Variants in PTPRD observed in about 807,000 individuals in gnomAD.
The protein encoded by PTPRD is receptor-type tyrosine-protein phosphatase delta.
PTPRD carries 34 observed loss-of-function variants against 214.5 expected under a neutral mutation model. That is an observed-to-expected ratio of 0.16 (90% CI 0.12 to 0.21). PTPRD has a LOEUF of 0.21. Ranked by LOEUF, PTPRD falls within the 10% of genes least tolerant of loss-of-function variation. The pLI, the probability that PTPRD is intolerant of heterozygous loss-of-function variation, is 1.00. For synonymous variants in PTPRD, 1,128 were observed against 845.7 expected, an observed-to-expected ratio of 1.33 and a Z score of -5.79; for missense variants, 2,545 against 2,398.7, an observed-to-expected ratio of 1.06 and a Z score of -1.27.
chr9:8,668,804 A>G (rs2097219073), intron 12 of PTPRD, among the ~76,000 whole-genome samples: 1 of 152,224 alleles, frequency 6.6e-6, no homozygotes, highest in South Asian at 2.1e-4. Flanking sequence ...AATTGTGTCT[A>G]CAATCTGAAA....
rs201455705 is a variant in PTPRD, at chr9:10,523,601, GTATATATA to G, written c.-600+88789_-600+88796del. Among the ~76,000 whole-genome samples the G allele has an allele frequency of 3.2e-3, 206 of 64,350 alleles. 10 individuals are homozygous for G. Among genetic ancestry groups the G allele is most frequent in the Non-Finnish European group, 5.1e-3 (160 of 31,338 alleles). The allele number at this position is 64,350 out of a possible 152,430, so 42.2% of individuals were successfully genotyped here. A position where few individuals can be genotyped will look rare whatever the true frequency, so the allele number is the denominator to read the frequency against. ...CAATATTTTTCAAGTATATTTATCT[GTATATATA>G]TATATATATATATAGACAGAAAGAA... On this transcript the variant is annotated intron_variant, in intron 2 of 45. Coordinates refer to ENST00000381196, the MANE Select transcript of PTPRD (RefSeq NM_002839.4).
chr9:8,849,338 G>C (rs1019444156), intron 11 of PTPRD, among the ~76,000 whole-genome samples: 8 of 151,996 alleles, frequency 5.3e-5, no homozygotes, highest in African/African-American at 1.9e-4. Context: ...ACCATGTCCA[G>C]ATAATTTTTG....
intron 7 of PTPRD, among the ~76,000 whole-genome samples, chr9:9,618,936 A>T (rs573446757): frequency 1.4e-4 from 22 of 152,278 alleles, no homozygotes; most frequent in South Asian, 8.3e-4. Flanking sequence ...GTTGAGAATA[A>T]ATGTCCCAAG....
intron 11 of PTPRD, among the ~76,000 whole-genome samples, chr9:8,873,340 C>T (rs534274231): frequency 1.6e-4 from 25 of 152,186 alleles, no homozygotes; most frequent in African/African-American, 6.0e-4. Flanking sequence ...TGATTATTAC[C>T]AGCTGTCGTG....
At chr9:10,176,278 GT>G (rs925566353) in intron 3 of PTPRD, among the ~76,000 whole-genome samples, 22 of 148,470 alleles carry the variant, frequency 1.5e-4, no homozygotes, top group East Asian at 4.0e-4. Flanking sequence ...TTTTTAATGT[GT>G]TTTTTTTTCC....
intron 14 of PTPRD, among the ~76,000 whole-genome samples, chr9:8,623,945 T>C (rs1476283257): frequency 6.6e-6 from 1 of 151,980 alleles, no homozygotes; most frequent in East Asian, 1.9e-4. Flanking sequence ...TATTATCTCT[T>C]TCAAAGTTTC....
chr9:9,333,527 A>ATATATATATATAT (rs1569567453), intron 9 of PTPRD, among the ~76,000 whole-genome samples: 4 of 124,110 alleles, frequency 3.2e-5, no homozygotes, highest in African/African-American at 1.9e-4. Flanking sequence ...TATATATATA[A>ATATATATATATAT]AGTCTGCAAT....
At chr9:9,481,911 G>C (rs1331923526) in intron 8 of PTPRD, among the ~76,000 whole-genome samples, 5 of 152,028 alleles carry the variant, frequency 3.3e-5, no homozygotes, top group African/African-American at 1.2e-4. Flanking sequence ...CTAACCCAAA[G>C]AATCTTAATA....
At chr9:8,998,666 A>G (rs1194592656) in intron 11 of PTPRD, among the ~76,000 whole-genome samples, 1 of 152,088 alleles carries the variant, frequency 6.6e-6, no homozygotes, top group Non-Finnish European at 1.5e-5. Flanking sequence ...TTATTATTTA[A>G]TAAACACATT....
chr9:9,604,430 C>T (rs1002124483), intron 7 of PTPRD, among the ~76,000 whole-genome samples: 7 of 151,972 alleles, frequency 4.6e-5, no homozygotes, highest in African/African-American at 7.2e-5. Flanking sequence ...TAAGAGAGAT[C>T]AGTGGAATTT....
At position 8,640,759 on chromosome 9, in the gene PTPRD, G is replaced by A. The variant is rs1052250618; in HGVS notation, c.65-3915C>T. Among the ~76,000 whole-genome samples, 13 of 151,176 alleles carry A rather than the reference G, an allele frequency of 8.6e-5. No homozygotes were observed. The East Asian group carries it at 9.7e-4, about 11-fold the overall frequency. On this transcript the variant is annotated intron_variant, in intron 12 of 45. Coordinates refer to ENST00000381196, the MANE Select transcript of PTPRD (RefSeq NM_002839.4). Reference sequence around the variant, plus strand: ...CAAGAAAATCATGACTTTCCTATGGGACCCAATGTCAATTTTTCTAGATTC... The same window carrying A: ...CAAGAAAATCATGACTTTCCTATGGAACCCAATGTCAATTTTTCTAGATTC...
chr9:8,376,204 C>T (rs1008720811), intron 38 of PTPRD, 114 bp from the exon 39 acceptor site: 2 of 1,224,614 alleles, frequency 1.6e-6, no homozygotes, highest in Non-Finnish European at 2.2e-6. Context: ...TTCTACCACC[C>T]TGTAGCCTTT....
At chr9:9,151,786 G>C (rs922800831) in intron 10 of PTPRD, among the ~76,000 whole-genome samples, 3 of 152,126 alleles carry the variant, frequency 2.0e-5, no homozygotes, top group Non-Finnish European at 4.4e-5. Context: ...CATTGTGACA[G>C]TTTTCATCAC....
chr9:8,484,349 T>C lies in PTPRD; in HGVS notation c.3183A>G (p.Glu1061=), dbSNP rs2096951864. The C allele has an allele frequency of 1.2e-6, 2 of 1,614,054 alleles. No individual in the cohort carries two copies. Among genetic ancestry groups the C allele is most frequent in the South Asian group, 2.2e-5 (2 of 91,078 alleles). The change falls in exon 30 of 46, where the codon GAA becomes GAG. Residue 1061 remains glutamate (E), a synonymous_variant. Coordinates refer to ENST00000381196, the MANE Select transcript of PTPRD (RefSeq NM_002839.4). ...KILYDDGKMV[E]EVDGRATQKL... Reference sequence around the variant, plus strand: ...TCTGTGTGGCTCGGCCATCCACTTCTTCTACCATTTTCCCATCATCATAAA... The same window carrying C: ...TCTGTGTGGCTCGGCCATCCACTTCCTCTACCATTTTCCCATCATCATAAA...
chr9:10,424,861 C>T (rs1046284432), intron 2 of PTPRD, among the ~76,000 whole-genome samples: 1 of 151,926 alleles, frequency 6.6e-6, no homozygotes, highest in Non-Finnish European at 1.5e-5. Context: ...GCTGGTTCTA[C>T]TTCTCTAATA....
intron 11 of PTPRD, among the ~76,000 whole-genome samples, chr9:9,009,632 AATG>A (rs1419027860): frequency 6.6e-6 from 1 of 152,050 alleles, no homozygotes; most frequent in Non-Finnish European, 1.5e-5. Flanking sequence ...AAACAAGTAG[AATG>A]ATGATTTGTG....
intron 2 of PTPRD, among the ~76,000 whole-genome samples, chr9:10,597,247 G>A (rs139088650): frequency 6.6e-6 from 1 of 151,566 alleles, no homozygotes; most frequent in African/African-American, 2.4e-5. Flanking sequence ...TACCAAGACT[G>A]CCCCTTTTAA....
intron 7 of PTPRD, among the ~76,000 whole-genome samples, chr9:9,592,515 A>C (rs1206363195): frequency 2.0e-5 from 3 of 152,024 alleles, no homozygotes; most frequent in African/African-American, 7.2e-5. Context: ...GAAGGTAATA[A>C]AAACAGGAAA....
intron 8 of PTPRD, among the ~76,000 whole-genome samples, chr9:9,519,792 T>C (rs1225840532): frequency 2.0e-5 from 3 of 152,084 alleles, no homozygotes; most frequent in Non-Finnish European, 2.9e-5. Context: ...AATTGTTCTA[T>C]ACATTCAACA....
Sources: gnomAD v4.1 joint callset for allele counts (sites outside exome capture counted in the v4.1 genomes callset) on GRCh38, gnomAD v4.1.1 for gene constraint, MANE v1.5 for transcripts, NCBI Gene and HGNC (gene_info 2026-07-23, HGNC 2026-07-21) for gene names.